Variants in SYNPR observed in about 807,000 individuals in gnomAD.
SYNPR encodes the protein synaptoporin.
In SYNPR, 23 loss-of-function variants were observed where a neutral mutation model predicts 32.9. That is an observed-to-expected ratio of 0.70 (90% CI 0.50 to 0.99). The LOEUF is 0.99. Ranked by LOEUF, SYNPR falls within the 50% of genes least tolerant of loss-of-function variation. The pLI, the probability that SYNPR is intolerant of heterozygous loss-of-function variation, is 0.00. For synonymous variants in SYNPR, 146 were observed against 135.9 expected, an observed-to-expected ratio of 1.07 and a Z score of -0.52; for missense variants, 318 against 349.3, an observed-to-expected ratio of 0.91 and a Z score of 0.71.
At chr3:63,232,219 T>TTTTTTTTTTGAA (rs869164802) in intron 1 of SYNPR, among the ~76,000 whole-genome samples, 1 of 113,906 alleles carries the variant, frequency 8.8e-6, no homozygotes, top group East Asian at 2.9e-4. Context: ...TTTTTTTTTT[T>TTTTTTTTTTGAA]GAGACAGAGT....
At chr3:63,338,786 G>T (rs929179295) in intron 2 of SYNPR, among the ~76,000 whole-genome samples, 2 of 152,206 alleles carry the variant, frequency 1.3e-5, no homozygotes, top group African/African-American at 4.8e-5. Flanking sequence ...TCACTATGCT[G>T]TTCACAGGTT....
At chr3:63,522,734 C>A (rs546158472) in intron 3 of SYNPR, among the ~76,000 whole-genome samples, 1 of 4,160 alleles carries the variant, frequency 2.4e-4, no homozygotes, top group East Asian at 0.17. Context: ...GAGAGTCAAC[C>A]AAGCATCCCC....
chr3:63,203,068 G>GTGTATATATATATATATATATA, the SYNPR span: 55 of 108,496 alleles, frequency 5.1e-4, no homozygotes, highest in African/African-American at 1.9e-3. Context: ...ATATGTATGT[G>GTGTATATATATATATATATATA]TATATATATA....
At chr3:63,425,054 G>T (rs1184125897) in intron 2 of SYNPR, among the ~76,000 whole-genome samples, 1 of 152,282 alleles carries the variant, frequency 6.6e-6, no homozygotes, top group East Asian at 1.9e-4. Context: ...TCTTCCTGCT[G>T]CCCTTACCTC....
intron 3 of SYNPR, among the ~76,000 whole-genome samples, chr3:63,496,682 G>T (rs915619285): frequency 5.9e-5 from 9 of 152,092 alleles, no homozygotes; most frequent in African/African-American, 2.2e-4. Context: ...ACTTTAGTGA[G>T]AATTAATACT....
intron 1 of SYNPR, among the ~76,000 whole-genome samples, chr3:63,229,296 A>G (rs1300071995): frequency 6.6e-6 from 1 of 152,042 alleles, no homozygotes; most frequent in African/African-American, 2.4e-5. Context: ...AATGAGAGCA[A>G]TTCACATTAT....
At chr3:63,210,352 G>C in the SYNPR span, among the ~76,000 whole-genome samples, 1 of 152,214 alleles carries the variant, frequency 6.6e-6, no homozygotes, top group African/African-American at 2.4e-5. Flanking sequence ...GTCTTCACTG[G>C]AGTTAGAACC....
At chr3:63,297,218 G>A (rs574236926) in intron 2 of SYNPR, among the ~76,000 whole-genome samples, 3 of 152,218 alleles carry the variant, frequency 2.0e-5, no homozygotes, top group South Asian at 2.1e-4. Context: ...TACATTTATT[G>A]TTCAACACAT....
intron 4 of SYNPR, among the ~76,000 whole-genome samples, chr3:63,587,092 A>C (rs1178720848): frequency 6.6e-6 from 1 of 152,014 alleles, no homozygotes; most frequent in Non-Finnish European, 1.5e-5. Context: ...CAACAGAGTG[A>C]TCCTATTTTC....
intron 3 of SYNPR, among the ~76,000 whole-genome samples, chr3:63,525,268 G>C (rs1370894095): frequency 6.6e-6 from 1 of 151,908 alleles, no homozygotes; most frequent in African/African-American, 2.4e-5. Context: ...TTCCTTTAAG[G>C]CTTCCCTTCA....
At chr3:63,594,935 G>A (rs1402774022) in intron 4 of SYNPR, among the ~76,000 whole-genome samples, 1 of 152,178 alleles carries the variant, frequency 6.6e-6, no homozygotes, top group African/African-American at 2.4e-5. Context: ...GCCTCTTCCT[G>A]CAGAGAGCTC....
At chr3:63,595,080 A>G (rs2106881106) in intron 4 of SYNPR, among the ~76,000 whole-genome samples, 1 of 152,312 alleles carries the variant, frequency 6.6e-6, no homozygotes, top group South Asian at 2.1e-4. Flanking sequence ...ATTCAGAGGC[A>G]CTTTTCCAAG....
intron 2 of SYNPR, among the ~76,000 whole-genome samples, chr3:63,256,310 G>A (rs1490639464): frequency 6.6e-6 from 1 of 152,324 alleles, no homozygotes; most frequent in Non-Finnish European, 1.5e-5. Flanking sequence ...CTAACTGGGA[G>A]GCACCCCCCA....
intron 2 of SYNPR, among the ~76,000 whole-genome samples, chr3:63,453,282 G>A (rs1265911820): frequency 6.6e-6 from 1 of 152,072 alleles, no homozygotes; most frequent in East Asian, 1.9e-4. Flanking sequence ...CTTCACAGAG[G>A]AGTCAGGAAC....
chr3:63,278,194 C>T (rs1003757450), upstream of SYNPR: 1 of 254,022 alleles, frequency 3.9e-6, no homozygotes, highest in Non-Finnish European at 7.5e-6. Flanking sequence ...CCCTGCCTCG[C>T]CCACCTCCTC....
At chr3:63,248,111 CA>C (rs2106886783) in intron 1 of SYNPR, among the ~76,000 whole-genome samples, 1 of 152,186 alleles carries the variant, frequency 6.6e-6, no homozygotes, top group African/African-American at 2.4e-5. Context: ...GTAGCAGTTC[CA>C]GAAAGGTCTG....
intron 2 of SYNPR, among the ~76,000 whole-genome samples, chr3:63,355,428 T>A (rs1008268506): frequency 6.6e-5 from 10 of 152,132 alleles, no homozygotes; most frequent in Non-Finnish European, 1.5e-5. Flanking sequence ...TTTCCAGAGC[T>A]AGGGTAAGTG....
chr3:63,583,553 G>A (rs965962494), intron 4 of SYNPR, among the ~76,000 whole-genome samples: 3 of 152,056 alleles, frequency 2.0e-5, no homozygotes, highest in Non-Finnish European at 2.9e-5. Flanking sequence ...AGTAAGTTTC[G>A]GGTCTAGGGT....
intron 4 of SYNPR, among the ~76,000 whole-genome samples, chr3:63,569,647 G>C (rs982279291): frequency 6.6e-6 from 1 of 152,260 alleles, no homozygotes; most frequent in African/African-American, 2.4e-5. Flanking sequence ...AGACAGGCAT[G>C]AATTTGCATA....
Sources: allele counts gnomAD v4.1 joint callset (sites outside exome capture counted in the v4.1 genomes callset), GRCh38; gene constraint gnomAD v4.1.1; transcripts MANE v1.5; gene names NCBI Gene and HGNC (gene_info 2026-07-23, HGNC 2026-07-21).